The following LARS1 variants were observed in gnomAD, a reference collection of about 807,000 sequenced individuals.
LARS1 encodes the protein leucyl-tRNA synthetase 1.
A neutral mutation model predicts 162.8 loss-of-function variants in LARS1; 100 were observed. The ratio of observed to expected loss-of-function variants is 0.61; its 90% CI spans 0.52 to 0.73. The LOEUF is 0.73. LARS1 is among the 30% of genes least tolerant of loss of function. The pLI, the probability that LARS1 is intolerant of heterozygous loss-of-function variation, is 0.00. For synonymous variants in LARS1, 457 were observed against 462.8 expected (o/e 0.99, Z 0.16); for missense variants, 1,258 against 1,408.9 (o/e 0.89, Z 1.71).
At chr5:146,126,571 A>C in intron 27 of LARS1, 26 bp from the exon 28 acceptor site, 1 of 1,520,566 alleles carries the variant, frequency 6.6e-7, no homozygotes, top group Non-Finnish European at 9.1e-7. Context: ...AGGGAGAGTA[A>C]TGTAGAAAAA....
rs11953517 is a variant in LARS1, at chr5:146,130,010, G to A, written c.2628+8C>T. 0.27 allele frequency: 437,124 copies of A among 1,596,526 alleles called. 63,786 individuals carry two copies. The highest frequency in any genetic ancestry group is 0.41 in the Admixed American group (22,244 of 54,472). On this transcript the variant is annotated splice_region_variant and intron_variant, in intron 25 of 31. Transcript: ENST00000394434. ...ACCACTCGAAACATTTTAAATGCAT[G>A]AAGGTACCTTTCCCAGGAGTGTCCA...
In LARS1 at chr5:146,153,167, T is replaced by A. The variant is rs866240381; in HGVS notation, c.1284+7A>T. 1 of 1,605,008 alleles carries A rather than the reference T, an allele frequency of 6.2e-7. No homozygotes were observed. The highest frequency in any genetic ancestry group is 1.7e-4 in the Middle Eastern group (1 of 6,042). On this transcript the variant is annotated splice_region_variant and intron_variant, in intron 13 of 31. Transcript: ENST00000394434. ...ATGTGAATATTCTGAATTATCTATG[T>A]ACTCACCGGCTCAAATGGCAAGACC...
Position 146,149,657 on chromosome 5 carries a change from C to G in LARS1, c.1468G>C (p.Val490Leu), listed in dbSNP as rs767326878. 6.2e-7 allele frequency: 1 copy of G among 1,613,252 alleles called. No individual in the cohort carries two copies. ...DGFKGQKVQD[V>L]KKTIQKKMID... is the part of the protein sequence containing the mutation. ...ATCTTTTTCTGAATAGTCTTCTTTA[C>G]ATCTTGAACCTTCTGTCCTTTAAAT... The change falls in exon 15 of 32, where the codon GTA becomes CTA. Residue 490 changes from valine to leucine, a missense_variant. Val to Leu is a conservative substitution (Grantham distance 32). Transcript: ENST00000394434.
At chr5:146,136,069 G>C (rs747675052) in intron 21 of LARS1, among the ~76,000 whole-genome samples, 1 of 152,208 alleles carries the variant, frequency 6.6e-6, no homozygotes, top group Non-Finnish European at 1.5e-5. Context: ...TATGATTTTA[G>C]GAACCCTCCT....
rs1478417669 is a variant in LARS1 at position 146,113,556 on chromosome 5, T to C, written c.*550A>G. The C allele has an allele frequency of 6.6e-6, 1 of 152,618 alleles. No homozygotes were observed. The highest frequency in any genetic ancestry group is 1.9e-4 in the East Asian group (1 of 5,194). The allele number at this position is 152,618 out of a possible 1,614,324, so 9.5% of individuals were successfully genotyped here. On this transcript the variant is annotated 3_prime_UTR_variant, in exon 32 of 32. Transcript: ENST00000394434. ...TGAATAATTAAAGCTTTAAAAAGTC[T>C]TATAAAATGCAGGACCTATTTGTTC...
In LARS1 at chr5:146,140,849, A is replaced by G. The variant is rs138362849; in HGVS notation, c.2091-588T>C. Among the ~76,000 whole-genome samples, 328 of 152,018 alleles carry G rather than the reference A, an allele frequency of 2.2e-3. 3 individuals carry two copies. The highest frequency in any genetic ancestry group is 7.7e-3 in the African/African-American group (319 of 41,528). On this transcript the variant is annotated intron_variant, in intron 20 of 31. Transcript: ENST00000394434. ...CACACACACATATAAATATACACAC[A>G]TATATATACACACACACACATATAT... is the stretch of plus-strand genomic sequence containing the variant.
intron 27 of LARS1, among the ~76,000 whole-genome samples, chr5:146,127,900 G>C (rs1752110113): frequency 6.6e-6 from 1 of 152,044 alleles, no homozygotes; most frequent in African/African-American, 2.4e-5. Flanking sequence ...TAATGGTCTA[G>C]AATATCAAAG....
At chr5:146,166,002 A>G (rs2126561694) in intron 5 of LARS1, among the ~76,000 whole-genome samples, 1 of 152,350 alleles carries the variant, frequency 6.6e-6, no homozygotes, top group South Asian at 2.1e-4. Context: ...ATTCAAATAC[A>G]TAAAGAAATA....
At chr5:146,146,978 C>T (rs1717908025) in intron 15 of LARS1, among the ~76,000 whole-genome samples, 2 of 152,000 alleles carry the variant, frequency 1.3e-5, no homozygotes, top group African/African-American at 4.8e-5. Context: ...TCCCAAAGTA[C>T]TGGGATTACA....
rs184592133 is a variant in LARS1, at chr5:146,167,874, C to T, written c.432+254G>A. ...CTAATTTTTGTATTTTTAGTAGAGA[C>T]GGGGTTTCACCATGTTAGCCAGGAT... On this transcript the variant is annotated intron_variant, in intron 5 of 31. Transcript: ENST00000394434. Among the ~76,000 whole-genome samples, 3,176 of 143,358 alleles carry T rather than the reference C, an allele frequency of 0.022. 80 individuals carry two copies. The highest frequency in any genetic ancestry group is 0.073 in the African/African-American group (2,794 of 38,328). 94.0% of individuals were successfully genotyped at this position (143,358 alleles called of 152,430 possible). A position where few individuals can be genotyped will look rare whatever the true frequency, so the allele number is the denominator to read the frequency against.
intron 31 of LARS1, among the ~76,000 whole-genome samples, chr5:146,117,341 G>A (rs1419993575): frequency 6.6e-6 from 1 of 152,140 alleles, no homozygotes; most frequent in African/African-American, 2.4e-5. Flanking sequence ...CAGGGCCGGT[G>A]TCTCATCCCT....
chr5:146,143,370 T>C (rs758622960), intron 19 of LARS1, 42 bp downstream of exon 19: 2 of 1,574,276 alleles, frequency 1.3e-6, no homozygotes, highest in Non-Finnish European at 1.7e-6. Context: ...ATCACAACTC[T>C]TACTGACAAA....
chr5:146,173,525 C>T (rs1003662404), intron 2 of LARS1, among the ~76,000 whole-genome samples: 5 of 149,910 alleles, frequency 3.3e-5, no homozygotes, highest in Admixed American at 6.7e-5. Flanking sequence ...TCACTTTAAA[C>T]GCATCCTTTA....
chr5:146,162,352 T>C (rs1303831919), intron 6 of LARS1, among the ~76,000 whole-genome samples: 2 of 152,240 alleles, frequency 1.3e-5, no homozygotes, highest in Admixed American at 6.5e-5. Context: ...ATTCATCTCC[T>C]TGTATATCTC....
At chr5:146,143,317 G>T in intron 19 of LARS1, 95 bp downstream of exon 19, 1 of 1,455,576 alleles carries the variant, frequency 6.9e-7, no homozygotes, top group Non-Finnish European at 9.2e-7. Context: ...ACAAAATTCT[G>T]TGAAATAAAT....
intron 4 of LARS1, among the ~76,000 whole-genome samples, chr5:146,171,325 G>A (rs1475375223): frequency 6.6e-6 from 1 of 151,276 alleles, no homozygotes; most frequent in Non-Finnish European, 1.5e-5. Flanking sequence ...CCATTGCACT[G>A]CAGCCTGGAC....
At chr5:146,149,556 A>G in intron 15 of LARS1, 66 bp downstream of exon 15, 1 of 1,126,394 alleles carries the variant, frequency 8.9e-7, no homozygotes, top group South Asian at 1.3e-5. Context: ...ACTCACTGCT[A>G]ATAACACTGT....
chr5:146,173,261 G>A lies in LARS1; in HGVS notation c.126-487C>T, dbSNP rs959106989. 5.9e-5 allele frequency among the ~76,000 whole-genome samples: 9 copies of A among 151,700 alleles called. No homozygotes were observed. In the South Asian group the frequency reaches 6.3e-4, roughly 11 times the overall value. On this transcript the variant is annotated intron_variant, in intron 2 of 31. Transcript: ENST00000394434. Reference sequence around the variant, plus strand: ...TGGTTAAGCATGAGAATCAAGAATCGCCTGATCATTGAACCTGAGAGGCAG... The same window carrying A: ...TGGTTAAGCATGAGAATCAAGAATCACCTGATCATTGAACCTGAGAGGCAG...
intron 21 of LARS1, among the ~76,000 whole-genome samples, chr5:146,136,976 A>G (rs772489218): frequency 6.6e-6 from 1 of 151,816 alleles, no homozygotes; most frequent in Non-Finnish European, 1.5e-5. Context: ...TTCTCAAATC[A>G]CTGTAACCTC....
Sources: gnomAD v4.1 joint callset for allele counts (sites outside exome capture counted in the v4.1 genomes callset) on GRCh38, gnomAD v4.1.1 for gene constraint, MANE v1.5 for transcripts, NCBI Gene and HGNC (gene_info 2026-07-23, HGNC 2026-07-21) for gene names.